Variants in RGS6 observed in about 807,000 individuals in gnomAD.
RGS6 encodes the protein regulator of G protein signaling 6.
In RGS6, 30 loss-of-function variants were observed where a neutral mutation model predicts 78.5. That is an observed-to-expected ratio of 0.38 (90% CI 0.29 to 0.52). RGS6 has a LOEUF of 0.52. RGS6 is among the 20% of genes least tolerant of loss of function. RGS6 has a pLI of 0.85. For synonymous variants in RGS6, 206 were observed against 206.0 expected (o/e 1.00, Z 0.00); for missense variants, 495 against 609.7 (o/e 0.81, Z 1.98).
intron 2 of RGS6, among the ~76,000 whole-genome samples, chr14:72,293,943 C>A (rs1490242639): frequency 6.6e-6 from 1 of 152,190 alleles, no homozygotes; most frequent in Non-Finnish European, 1.5e-5. Context: ...GGCCCACAGA[C>A]CCTCGTTTGC....
the RGS6 span, among the ~76,000 whole-genome samples, chr14:71,902,791 G>A: frequency 6.6e-5 from 10 of 152,140 alleles, no homozygotes. Context: ...GAGACTAAAT[G>A]AGGAAGAGAT....
At chr14:72,025,073 T>G (rs879686098) in intron 2 of RGS6, among the ~76,000 whole-genome samples, 1 of 152,208 alleles carries the variant, frequency 6.6e-6, no homozygotes, top group Non-Finnish European at 1.5e-5. Context: ...CGTGTCCCTA[T>G]GTTTCTGTAT....
At chr14:72,353,665 A>G (rs2079583985) in intron 3 of RGS6, among the ~76,000 whole-genome samples, 1 of 152,114 alleles carries the variant, frequency 6.6e-6, no homozygotes, top group Non-Finnish European at 1.5e-5. Flanking sequence ...GGTGATGGTA[A>G]CATGACTCTA....
intron 2 of RGS6, among the ~76,000 whole-genome samples, chr14:72,267,755 T>G (rs1319152746): frequency 6.6e-6 from 1 of 152,202 alleles, no homozygotes; most frequent in Non-Finnish European, 1.5e-5. Flanking sequence ...AATGAAAGAC[T>G]CATTGTTAGA....
chr14:72,309,360 C>T (rs753475281), intron 2 of RGS6, among the ~76,000 whole-genome samples: 1 of 152,194 alleles, frequency 6.6e-6, no homozygotes, highest in Non-Finnish European at 1.5e-5. Context: ...AAATCTAGCA[C>T]CCTAAACCTA....
At chr14:72,541,768 G>T in intron 17 of RGS6, 1 of 767,164 alleles carries the variant, frequency 1.3e-6, no homozygotes, top group Non-Finnish European at 2.0e-6. Context: ...GGGTGACCGT[G>T]CAGGCCACGG....
intron 2 of RGS6, among the ~76,000 whole-genome samples, chr14:72,125,285 G>C (rs75015224): frequency 6.6e-6 from 1 of 152,110 alleles, no homozygotes; most frequent in Non-Finnish European, 1.5e-5. Flanking sequence ...TTCCTCAATA[G>C]TGCTGTGAGA....
Position 72,454,525 on chromosome 14 carries a change from C to T in RGS6, c.185-3C>T. ...TTCAGCTGAAATTGCTTTATCGTTG[C>T]AGGTACTGACATTGTGCAGTGGCTT... On this transcript the variant is annotated splice_region_variant and splice_polypyrimidine_tract_variant and intron_variant, in intron 3 of 17. Coordinates refer to ENST00000553525, the MANE Select transcript of RGS6 (RefSeq NM_001204424.2). 6.2e-7 allele frequency: 1 copy of T among 1,614,040 alleles called. No individual in the cohort carries two copies.
chr14:72,433,121 A>G (rs2153172407), intron 3 of RGS6, among the ~76,000 whole-genome samples: 1 of 152,330 alleles, frequency 6.6e-6, no homozygotes, highest in Non-Finnish European at 1.5e-5. Flanking sequence ...ACGGTCAGAA[A>G]TGATTGGTGG....
chr14:71,971,007 G>A (rs34328930), intron 2 of RGS6, among the ~76,000 whole-genome samples: 23,178 of 152,160 alleles, frequency 0.15, 2,150 homozygotes, highest in Non-Finnish European at 0.2. Context: ...TTGTGATGTC[G>A]TATACCGAGT....
chr14:72,395,828 C>T (rs1407131395), intron 3 of RGS6, among the ~76,000 whole-genome samples: 4 of 152,096 alleles, frequency 2.6e-5, no homozygotes, highest in Non-Finnish European at 5.9e-5. Flanking sequence ...TGATGGTTTC[C>T]AGCTTCATCC....
In RGS6 at chr14:72,013,193, C is replaced by T. The variant is rs2086168284; in HGVS notation, c.84+48318C>T. On this transcript the variant is annotated intron_variant, in intron 2 of 17. Coordinates refer to ENST00000553525, the MANE Select transcript of RGS6 (RefSeq NM_001204424.2). ...GGTTGAGGCAGGAGAATCTCTTGAACCTGGGAGGTGGGGGTTGCAGTGAGC... is the reference window on the plus strand; with the variant it reads ...GGTTGAGGCAGGAGAATCTCTTGAATCTGGGAGGTGGGGGTTGCAGTGAGC... 2.1e-5 allele frequency among the ~76,000 whole-genome samples: 3 copies of T among 144,764 alleles called. No individual in the cohort carries two copies. The South Asian group carries it at 6.7e-4, about 32-fold the overall frequency. The allele number at this position is 144,764 out of a possible 152,430, so 95.0% of individuals were successfully genotyped here.
At chr14:72,307,204 A>G (rs184510805) in intron 2 of RGS6, among the ~76,000 whole-genome samples, 6 of 152,318 alleles carry the variant, frequency 3.9e-5, no homozygotes, top group Admixed American at 1.3e-4. Context: ...AGGTATATAC[A>G]TTGTTTTTTA....
At chr14:72,158,449 T>C (rs1234087271) in intron 2 of RGS6, among the ~76,000 whole-genome samples, 1 of 152,196 alleles carries the variant, frequency 6.6e-6, no homozygotes, top group Non-Finnish European at 1.5e-5. Context: ...TATAATTTTT[T>C]GAGGGGATAC....
intron 2 of RGS6, among the ~76,000 whole-genome samples, chr14:72,226,025 C>T (rs1278809377): frequency 6.6e-6 from 1 of 152,142 alleles, no homozygotes; most frequent in African/African-American, 2.4e-5. Flanking sequence ...TTGTAGCATC[C>T]AGTTTTCTTG....
intron 3 of RGS6, among the ~76,000 whole-genome samples, chr14:72,362,514 G>C (rs1170559432): frequency 6.6e-6 from 1 of 152,122 alleles, no homozygotes; most frequent in Non-Finnish European, 1.5e-5. Flanking sequence ...GGTCTACAGT[G>C]GCCTCACTCA....
intron 3 of RGS6, among the ~76,000 whole-genome samples, chr14:72,366,907 C>G (rs543970592): frequency 7.9e-5 from 12 of 152,208 alleles, no homozygotes; most frequent in South Asian, 4.1e-4. Context: ...AATTCTCCAT[C>G]ACCTGAATGT....
At chr14:72,502,588 AC>A (rs2153429402) in intron 13 of RGS6, among the ~76,000 whole-genome samples, 1 of 152,248 alleles carries the variant, frequency 6.6e-6, no homozygotes, top group South Asian at 2.1e-4. Flanking sequence ...ACATGGTGAA[AC>A]CCCGTCTCTA....
chr14:72,216,278 AGCCAACCTT>A (rs1328677460), intron 2 of RGS6, among the ~76,000 whole-genome samples: 1 of 152,234 alleles, frequency 6.6e-6, no homozygotes, highest in Non-Finnish European at 1.5e-5. Flanking sequence ...CCTTTGGTCT[AGCCAACCTT>A]GCTGGATGTT....
Sources: gnomAD v4.1 joint callset for allele counts (sites outside exome capture counted in the v4.1 genomes callset) on GRCh38, gnomAD v4.1.1 for gene constraint, MANE v1.5 for transcripts, NCBI Gene and HGNC (gene_info 2026-07-23, HGNC 2026-07-21) for gene names.